ZCWPW2: variants seen among roughly 807,000 people sequenced by gnomAD.
The protein encoded by ZCWPW2 is zinc finger CW-type PWWP domain protein 2.
ZCWPW2 carries 45 observed loss-of-function variants against 46.6 expected under a neutral mutation model. The ratio of observed to expected loss-of-function variants is 0.96; its 90% CI spans 0.76 to 1.24. The LOEUF (loss-of-function observed/expected upper bound fraction) is 1.24. ZCWPW2 is among the 50% of genes most tolerant of loss of function. The pLI is 0.00. For missense variants in ZCWPW2, 429 were observed against 403.9 expected, an observed-to-expected ratio of 1.06 and a Z score of -0.53; for synonymous variants, 152 against 137.1, an observed-to-expected ratio of 1.11 and a Z score of -0.76.
chr3:28,361,346 C>T (rs972387487), intron 1 of ZCWPW2, among the ~76,000 whole-genome samples: 3 of 152,060 alleles, frequency 2.0e-5, no homozygotes, highest in Non-Finnish European at 4.4e-5. Flanking sequence ...TGAAATTGGA[C>T]CTTTATCTTA....
chr3:28,382,416 G>C (rs1695140844), intron 1 of ZCWPW2, among the ~76,000 whole-genome samples: 1 of 151,996 alleles, frequency 6.6e-6, no homozygotes, highest in Admixed American at 6.6e-5. Context: ...TTGGATTAAG[G>C]CTCACCCTAA....
chr3:28,497,300 A>G (rs928516413), intron 6 of ZCWPW2, among the ~76,000 whole-genome samples: 2 of 151,490 alleles, frequency 1.3e-5, no homozygotes, highest in African/African-American at 4.8e-5. Context: ...TTTTTTTACA[A>G]TGAGATCTTA....
intron 1 of ZCWPW2, among the ~76,000 whole-genome samples, chr3:28,388,743 A>G (rs568711770): frequency 6.6e-5 from 10 of 152,126 alleles, no homozygotes; most frequent in African/African-American, 1.7e-4. Context: ...TTCTGCCCCT[A>G]CCTATTTTGT....
At chr3:28,438,784 G>C (rs1051921683) in intron 4 of ZCWPW2, among the ~76,000 whole-genome samples, 9 of 152,012 alleles carry the variant, frequency 5.9e-5, no homozygotes, top group African/African-American at 2.2e-4. Context: ...AAGATATTGA[G>C]AGTCAAGAAC....
At chr3:28,444,882 C>T (rs1697924380) in intron 4 of ZCWPW2, among the ~76,000 whole-genome samples, 1 of 152,128 alleles carries the variant, frequency 6.6e-6, no homozygotes, top group African/African-American at 2.4e-5. Flanking sequence ...AAACTTCTTG[C>T]CTCACATGGG....
chr3:28,428,006 G>C (rs1697087518), intron 3 of ZCWPW2: 1 of 151,910 alleles, frequency 6.6e-6, no homozygotes, highest in Non-Finnish European at 1.5e-5. Context: ...GTTAAGTTGG[G>C]GTCTCCATTG....
At chr3:28,380,933 G>GGT (rs1491387042) in intron 1 of ZCWPW2, among the ~76,000 whole-genome samples, 9 of 17,162 alleles carry the variant, frequency 5.2e-4, no homozygotes, top group African/African-American at 2.2e-3. Context: ...ATATATATTT[G>GGT]GTATATATAT....
chr3:28,435,277 T>C lies in ZCWPW2; in HGVS notation c.492+8T>C, dbSNP rs113361067. ...TATAGTATCACATTAAAGGTAGGTA[T>C]CATAACATCAAAACTTTATTCTTCT... On this transcript the variant is annotated splice_region_variant and intron_variant, in intron 4 of 9. Coordinates refer to ENST00000383768, the MANE Select transcript of ZCWPW2 (RefSeq NM_001040432.4). The C allele has an allele frequency of 5.1e-4, 807 of 1,583,750 alleles. 6 individuals are homozygous for C. The African/African-American group carries it at 8.7e-3, about 17-fold the overall frequency.
At chr3:28,421,832 GTT>G (rs1491129509) in intron 3 of ZCWPW2, among the ~76,000 whole-genome samples, 1 of 118,226 alleles carries the variant, frequency 8.5e-6, no homozygotes, top group African/African-American at 3.4e-5. Context: ...TTGGAGAATA[GTT>G]TGTGTGTGTG....
chr3:28,484,919 T>C (rs1699544499), intron 5 of ZCWPW2, among the ~76,000 whole-genome samples: 1 of 152,124 alleles, frequency 6.6e-6, no homozygotes, highest in African/African-American at 2.4e-5. Context: ...TTCTGCTCTT[T>C]TATTTTTTTT....
chr3:28,420,513 G>A (rs1056652283), intron 3 of ZCWPW2, among the ~76,000 whole-genome samples: 1 of 150,194 alleles, frequency 6.7e-6, no homozygotes, highest in Non-Finnish European at 1.5e-5. Context: ...ATGTCCATGT[G>A]TTCTCATCAT....
At chr3:28,417,478 C>A (rs901486024) in intron 3 of ZCWPW2, among the ~76,000 whole-genome samples, 1 of 151,948 alleles carries the variant, frequency 6.6e-6, no homozygotes, top group East Asian at 1.9e-4. Context: ...CTATTCCAAT[C>A]AATAGAAAAA....
At chr3:28,377,720 T>G (rs1307088308) in intron 1 of ZCWPW2, among the ~76,000 whole-genome samples, 2 of 152,120 alleles carry the variant, frequency 1.3e-5, no homozygotes, top group Non-Finnish European at 2.9e-5. Context: ...CGACTGTATT[T>G]GAAGACAGTC....
chr3:28,439,215 C>G (rs1359155575), intron 4 of ZCWPW2, among the ~76,000 whole-genome samples: 3 of 149,324 alleles, frequency 2.0e-5, no homozygotes, highest in African/African-American at 7.3e-5. Flanking sequence ...ATCACAACAT[C>G]CACAATAGGC....
chr3:28,399,441 C>G (rs952054812), intron 2 of ZCWPW2, among the ~76,000 whole-genome samples: 6 of 152,198 alleles, frequency 3.9e-5, no homozygotes, highest in African/African-American at 9.7e-5. Flanking sequence ...AGCTGATGCT[C>G]TCTGGGAAGT....
chr3:28,471,299 C>CA (rs1699033200), intron 4 of ZCWPW2, among the ~76,000 whole-genome samples: 1 of 151,968 alleles, frequency 6.6e-6, no homozygotes, highest in Non-Finnish European at 1.5e-5. Context: ...AAACACACAT[C>CA]AAAAAAGAAA....
chr3:28,407,151 C>T (rs115374126), intron 2 of ZCWPW2, among the ~76,000 whole-genome samples: 96 of 152,278 alleles, frequency 6.3e-4, no homozygotes, highest in African/African-American at 2.3e-3. Context: ...TGCTCCTTTG[C>T]TCCATCACCT....
chr3:28,352,221 T>G (rs985400214), intron 1 of ZCWPW2, among the ~76,000 whole-genome samples: 1 of 152,064 alleles, frequency 6.6e-6, no homozygotes, highest in Non-Finnish European at 1.5e-5. Context: ...ACTGTGTGTA[T>G]CCAAACCTGT....
chr3:28,512,616 A>G (rs1257095311), intron 6 of ZCWPW2, among the ~76,000 whole-genome samples: 3 of 144,262 alleles, frequency 2.1e-5, no homozygotes, highest in Non-Finnish European at 4.8e-5. Context: ...ATTCTTAGCT[A>G]CTTTTCCAAA....
Sources: allele counts gnomAD v4.1 joint callset (sites outside exome capture counted in the v4.1 genomes callset), GRCh38; gene constraint gnomAD v4.1.1; transcripts MANE v1.5; gene names NCBI Gene and HGNC (gene_info 2026-07-23, HGNC 2026-07-21).